DPYD: variants seen among roughly 807,000 people sequenced by gnomAD.
DPYD encodes the protein dihydropyrimidine dehydrogenase [NADP(+)].
Under a neutral mutation model 116.2 loss-of-function variants are expected in DPYD, and 109 were observed. The ratio of observed to expected loss-of-function variants is 0.94; its 90% confidence interval spans 0.80 to 1.10. DPYD has a LOEUF of 1.10. DPYD is among the 50% of genes least tolerant of loss of function. DPYD has a pLI of 0.00. For missense variants in DPYD, 1,302 were observed against 1,254.5 expected (o/e 1.04, Z -0.57); for synonymous variants, 440 against 432.0 (o/e 1.02, Z -0.23).
At chr1:97,553,823 T>G (rs1389164230) in intron 11 of DPYD, among the ~76,000 whole-genome samples, 1 of 152,112 alleles carries the variant, frequency 6.6e-6, no homozygotes, top group African/African-American at 2.4e-5. Flanking sequence ...CAAAACATGC[T>G]TATTCACAGT....
chr1:97,802,963 T>C (rs1296989026), intron 3 of DPYD, among the ~76,000 whole-genome samples: 3 of 151,902 alleles, frequency 2.0e-5, no homozygotes, highest in African/African-American at 7.2e-5. Flanking sequence ...ACAGGCAAAG[T>C]TTAAATGATT....
At chr1:97,289,359 C>G (rs1431691671) in intron 18 of DPYD, among the ~76,000 whole-genome samples, 8 of 152,170 alleles carry the variant, frequency 5.3e-5, no homozygotes, top group Admixed American at 5.2e-4. Flanking sequence ...CATCCTGATA[C>G]CAAAGCCGGG....
chr1:97,691,334 C>T, intron 7 of DPYD: 1 of 180,186 alleles, frequency 5.5e-6, no homozygotes, highest in East Asian at 1.4e-4. Context: ...AAATAAATCT[C>T]CATAAGAAAT....
At position 97,460,139 on chromosome 1, in the gene DPYD, CTT is replaced by C. The variant is rs538405413; in HGVS notation, c.1741-9918_1741-9917del. Reference sequence around the variant, plus strand: ...TTTTATAGTAAAAAATGAAAACAAACTTATTAAGCAGAAAAAAAGCAGGTGCA... The same window carrying C: ...TTTTATAGTAAAAAATGAAAACAAACATTAAGCAGAAAAAAAGCAGGTGCA... On this transcript the variant is annotated intron_variant, in intron 13 of 22. Coordinates refer to ENST00000370192, the MANE Select transcript of DPYD (RefSeq NM_000110.4). 1.7e-3 allele frequency among the ~76,000 whole-genome samples: 254 copies of C among 152,036 alleles called. 1 individual carries two copies. Among genetic ancestry groups the C allele is most frequent in the Middle Eastern group, 0.01 (3 of 292 alleles).
chr1:97,309,033 T>C (rs1216392549), intron 16 of DPYD, among the ~76,000 whole-genome samples: 1 of 151,858 alleles, frequency 6.6e-6, no homozygotes, highest in Non-Finnish European at 1.5e-5. Flanking sequence ...ATTTTCACAT[T>C]ATTTCCTTAT....
chr1:97,332,127 T>C (rs891705802), intron 16 of DPYD, among the ~76,000 whole-genome samples: 1 of 152,182 alleles, frequency 6.6e-6, no homozygotes, highest in African/African-American at 2.4e-5. Context: ...CTAGATCTAC[T>C]GTCCAGAGTC....
At chr1:97,192,726 G>A (rs1470821685) in intron 20 of DPYD, among the ~76,000 whole-genome samples, 1 of 152,146 alleles carries the variant, frequency 6.6e-6, no homozygotes, top group Non-Finnish European at 1.5e-5. Context: ...AAAATAGAAA[G>A]GTAATGTTAT....
intron 20 of DPYD, among the ~76,000 whole-genome samples, chr1:97,151,392 G>T (rs1196036992): frequency 2.0e-5 from 3 of 152,054 alleles, no homozygotes; most frequent in African/African-American, 7.2e-5. Flanking sequence ...GGTGCAGTGG[G>T]GCTGGGTGCA....
intron 20 of DPYD, among the ~76,000 whole-genome samples, chr1:97,190,363 T>G (rs535131134): frequency 1.3e-5 from 2 of 152,238 alleles, no homozygotes; most frequent in Non-Finnish European, 2.9e-5. Flanking sequence ...GCAATGCAGA[T>G]TTTTGGATCC....
At chr1:97,556,257 C>A (rs1055487959) in intron 11 of DPYD, among the ~76,000 whole-genome samples, 1 of 152,184 alleles carries the variant, frequency 6.6e-6, no homozygotes, top group Admixed American at 6.5e-5. Context: ...TCTGTGACAT[C>A]ATACTTTCTG....
chr1:97,459,687 A>C (rs1253667422), intron 13 of DPYD, among the ~76,000 whole-genome samples: 1 of 152,146 alleles, frequency 6.6e-6, no homozygotes, highest in Non-Finnish European at 1.5e-5. Context: ...TAAAGAAAAA[A>C]TGAAGACATT....
chr1:97,158,999 T>C lies in DPYD; in HGVS notation c.2622+34070A>G, dbSNP rs565639221. Among the ~76,000 whole-genome samples, 38 of 152,234 alleles carry C rather than the reference T, an allele frequency of 2.5e-4. No homozygotes were observed. In the South Asian group the frequency reaches 7.7e-3, roughly 31 times the overall value. On this transcript the variant is annotated intron_variant, in intron 20 of 22. Transcript: ENST00000370192. ...AGGTGTGGAGAGTCCAGAGTCTCTG[T>C]ATAATGTATCATTTACACAGTCCAG...
chr1:97,360,494 A>G (rs904139643), intron 16 of DPYD, among the ~76,000 whole-genome samples: 66 of 152,328 alleles, frequency 4.3e-4, no homozygotes, highest in African/African-American at 1.4e-3. Flanking sequence ...AAATCAACAG[A>G]ATATACATTC....
At chr1:97,529,779 T>G (rs1649450111) in intron 12 of DPYD, among the ~76,000 whole-genome samples, 1 of 146,292 alleles carries the variant, frequency 6.8e-6, no homozygotes, top group South Asian at 2.1e-4. Flanking sequence ...TCTTCTTTCT[T>G]TCTCTTTTTC....
intron 10 of DPYD, among the ~76,000 whole-genome samples, chr1:97,587,281 A>G (rs1654193407): frequency 6.6e-6 from 1 of 152,222 alleles, no homozygotes; most frequent in Admixed American, 6.5e-5. Context: ...CCTAGAGAAG[A>G]TTTTGTGTGA....
intron 16 of DPYD, among the ~76,000 whole-genome samples, chr1:97,343,705 T>A (rs1227471770): frequency 2.6e-5 from 4 of 152,116 alleles, no homozygotes; most frequent in Admixed American, 6.6e-5. Flanking sequence ...GAATTTTTTT[T>A]AAAAAGCATA....
Position 97,234,513 on chromosome 1 carries a change from T to C in DPYD, c.2442+339A>G, listed in dbSNP as rs543606600. On this transcript the variant is annotated intron_variant, in intron 19 of 22. Transcript: ENST00000370192. Reference sequence around the variant, plus strand: ...CATACCCTTGATTTCATTTTGTTTTTCAATTGAGATTTTACTTTTACTCAG... The same window carrying C: ...CATACCCTTGATTTCATTTTGTTTTCCAATTGAGATTTTACTTTTACTCAG... Among the ~76,000 whole-genome samples, 3 of 152,342 alleles carry C rather than the reference T, an allele frequency of 2.0e-5. No homozygotes were observed. The East Asian group carries it at 5.8e-4, about 29-fold the overall frequency.
At chr1:97,380,284 T>C (rs80188499) in intron 15 of DPYD, among the ~76,000 whole-genome samples, 6,884 of 152,212 alleles carry the variant, frequency 0.045, 271 homozygotes, top group East Asian at 0.17. Flanking sequence ...TTCTTTTGCA[T>C]AGAATTGGAG....
intron 19 of DPYD, among the ~76,000 whole-genome samples, chr1:97,196,920 G>T (rs1658859081): frequency 1.3e-5 from 2 of 151,974 alleles, no homozygotes; most frequent in Admixed American, 1.3e-4. Flanking sequence ...ATATAGCTCT[G>T]GTTTTGAAAA....
Sources: gnomAD v4.1 joint callset for allele counts (sites outside exome capture counted in the v4.1 genomes callset) on GRCh38, gnomAD v4.1.1 for gene constraint, MANE v1.5 for transcripts, NCBI Gene and HGNC (gene_info 2026-07-23, HGNC 2026-07-21) for gene names.